The following KIAA1328 variants were observed in gnomAD, a reference collection of about 807,000 sequenced individuals.
KIAA1328 encodes KIAA1328.
Under a neutral mutation model 68.1 loss-of-function variants are expected in KIAA1328, and 52 were observed. The ratio of observed to expected loss-of-function variants is 0.76; its 90% CI spans 0.61 to 0.96. The LOEUF is 0.96. KIAA1328 is among the 40% of genes least tolerant of loss of function. The pLI is 0.00. For missense variants in KIAA1328, 641 were observed against 677.6 expected, an observed-to-expected ratio of 0.95 and a Z score of 0.60; for synonymous variants, 232 against 239.4, an observed-to-expected ratio of 0.97 and a Z score of 0.28.
At chr18:36,996,395 G>C (rs2053393285) in intron 6 of KIAA1328, among the ~76,000 whole-genome samples, 2 of 152,140 alleles carry the variant, frequency 1.3e-5, no homozygotes, top group African/African-American at 4.8e-5. Context: ...GTAATGAGTA[G>C]AGCCACGATT....
intron 1 of KIAA1328, among the ~76,000 whole-genome samples, chr18:36,831,089 T>G (rs2046475013): frequency 6.6e-6 from 1 of 152,232 alleles, no homozygotes; most frequent in South Asian, 2.1e-4. Flanking sequence ...TTTGTCATAT[T>G]GATTATTTCC....
intron 7 of KIAA1328, among the ~76,000 whole-genome samples, chr18:37,122,870 G>A (rs1438856073): frequency 1.3e-5 from 2 of 152,162 alleles, no homozygotes; most frequent in South Asian, 2.1e-4. Context: ...CAGAAAACAC[G>A]GTTGATGATT....
At chr18:37,128,278 G>A (rs2058440032) in intron 7 of KIAA1328, among the ~76,000 whole-genome samples, 1 of 152,112 alleles carries the variant, frequency 6.6e-6, no homozygotes, top group African/African-American at 2.4e-5. Context: ...AGACCAGCCT[G>A]GCTAACATGG....
At chr18:36,864,638 A>G (rs1186361623) in intron 4 of KIAA1328, among the ~76,000 whole-genome samples, 1 of 106,474 alleles carries the variant, frequency 9.4e-6, no homozygotes, top group African/African-American at 4.0e-5. Flanking sequence ...TTTTGGTATT[A>G]TACTAGCCTC....
intron 9 of KIAA1328, among the ~76,000 whole-genome samples, chr18:37,186,698 T>C (rs1181590188): frequency 1.5e-5 from 2 of 134,970 alleles, no homozygotes; most frequent in African/African-American, 3.7e-5. Context: ...ATAAATTAAC[T>C]TTTTGGTGTA....
chr18:37,145,859 C>G (rs1469369616), intron 7 of KIAA1328, among the ~76,000 whole-genome samples: 1 of 151,934 alleles, frequency 6.6e-6, no homozygotes, highest in Non-Finnish European at 1.5e-5. Flanking sequence ...AGTGTTAACT[C>G]TTGTGAACAA....
intron 5 of KIAA1328, among the ~76,000 whole-genome samples, chr18:36,924,113 A>C (rs990973835): frequency 6.6e-6 from 1 of 152,068 alleles, no homozygotes; most frequent in Non-Finnish European, 1.5e-5. Context: ...CTGGTAGGGT[A>C]AGTTGATCTG....
intron 4 of KIAA1328, among the ~76,000 whole-genome samples, chr18:36,883,952 G>GTATATGTGTATATATATATATATA (rs540895118): frequency 0.05 from 6,007 of 120,130 alleles, 280 homozygotes; most frequent in Admixed American, 0.079. Context: ...TATTTATAAA[G>GTATATGTGTATATATATATATATA]TATATATATA....
At chr18:37,215,056 A>G (rs1028228149) in intron 9 of KIAA1328, among the ~76,000 whole-genome samples, 1 of 152,190 alleles carries the variant, frequency 6.6e-6, no homozygotes, top group Admixed American at 6.5e-5. Context: ...TGGGGCTGAG[A>G]TGATGGGGTT....
chr18:37,137,970 G>A lies in KIAA1328; in HGVS notation c.1233-22230G>A, dbSNP rs550920579. ...GATCCAATCCAATTATCTCTACCCC[G>A]CCCCTGACCTACTTTTTCTCTATAA... On this transcript the variant is annotated intron_variant, in intron 7 of 9. Transcript: ENST00000280020. Among the ~76,000 whole-genome samples the A allele has an allele frequency of 8.6e-5, 13 of 151,764 alleles. No homozygotes were observed. The South Asian group carries it at 1.3e-3, about 15-fold the overall frequency.
chr18:36,910,865 T>C (rs1311852774), intron 5 of KIAA1328, among the ~76,000 whole-genome samples: 2 of 152,122 alleles, frequency 1.3e-5, no homozygotes, highest in Non-Finnish European at 2.9e-5. Flanking sequence ...GTGTTTCTGC[T>C]TGCCCTCTTG....
At chr18:37,029,400 G>T (rs1010296930) in intron 6 of KIAA1328, among the ~76,000 whole-genome samples, 3 of 151,880 alleles carry the variant, frequency 2.0e-5, no homozygotes, top group Non-Finnish European at 4.4e-5. Context: ...TTGAGACAAG[G>T]TCTCACTGTG....
chr18:36,860,076 A>G (rs540355301), intron 4 of KIAA1328, among the ~76,000 whole-genome samples: 1 of 151,984 alleles, frequency 6.6e-6, no homozygotes, highest in African/African-American at 2.4e-5. Flanking sequence ...TTAATTTGTA[A>G]ACAAATTGGG....
intron 7 of KIAA1328, among the ~76,000 whole-genome samples, chr18:37,145,811 A>C (rs2058885212): frequency 6.6e-6 from 1 of 151,742 alleles, no homozygotes; most frequent in African/African-American, 2.4e-5. Context: ...ATCTCTTTTC[A>C]TCCTTTTATG....
At chr18:36,933,093 C>G (rs922994400) in intron 5 of KIAA1328, among the ~76,000 whole-genome samples, 27 of 151,990 alleles carry the variant, frequency 1.8e-4, no homozygotes, top group African/African-American at 5.8e-4. Context: ...GCATTCAACA[C>G]ACATATATAG....
intron 6 of KIAA1328, among the ~76,000 whole-genome samples, chr18:36,986,141 C>T (rs980281597): frequency 6.6e-6 from 1 of 151,686 alleles, no homozygotes; most frequent in African/African-American, 2.4e-5. Context: ...CATATAGTTA[C>T]ACACTGGTAT....
intron 5 of KIAA1328, among the ~76,000 whole-genome samples, chr18:36,935,023 A>C (rs937080842): frequency 2.0e-5 from 3 of 152,194 alleles, no homozygotes; most frequent in African/African-American, 7.2e-5. Context: ...TCATTTCTTC[A>C]ATCTGTTTCT....
chr18:36,940,715 C>G (rs1427529872), intron 5 of KIAA1328, among the ~76,000 whole-genome samples: 1 of 139,708 alleles, frequency 7.2e-6, no homozygotes, highest in East Asian at 2.1e-4. Context: ...CTCGCTCTGT[C>G]ACCAGGCTGG....
chr18:37,191,354 A>C (rs886791251), intron 9 of KIAA1328, among the ~76,000 whole-genome samples: 1 of 152,218 alleles, frequency 6.6e-6, no homozygotes, highest in South Asian at 2.1e-4. Flanking sequence ...AGTGGCAAGC[A>C]AGTAGCACTT....
Sources: gnomAD v4.1 joint callset for allele counts (sites outside exome capture counted in the v4.1 genomes callset) on GRCh38, gnomAD v4.1.1 for gene constraint, MANE v1.5 for transcripts, NCBI Gene and HGNC (gene_info 2026-07-23, HGNC 2026-07-21) for gene names.